TTC39C: variants seen among roughly 807,000 people sequenced by gnomAD.
TTC39C encodes tetratricopeptide repeat protein 39C.
Under a neutral mutation model 76.3 loss-of-function variants are expected in TTC39C, and 33 were observed. The ratio of observed to expected loss-of-function variants is 0.43; its 90% CI spans 0.33 to 0.58. The LOEUF is 0.58. TTC39C is among the 20% of genes least tolerant of loss of function. The pLI, the probability that TTC39C is intolerant of heterozygous loss-of-function variation, is 0.04. For synonymous variants in TTC39C, 254 were observed against 260.6 expected (o/e 0.97, Z 0.24); for missense variants, 595 against 701.4 (o/e 0.85, Z 1.71).
chr18:24,088,014 C>T (rs1236759683), intron 6 of TTC39C, among the ~76,000 whole-genome samples: 1 of 152,096 alleles, frequency 6.6e-6, no homozygotes, highest in African/African-American at 2.4e-5. Context: ...TTTCTTTTTT[C>T]AGAAATGATG....
chr18:24,028,144 G>GA (rs200581541), intron 1 of TTC39C, among the ~76,000 whole-genome samples: 168 of 151,030 alleles, frequency 1.1e-3, no homozygotes, highest in African/African-American at 2.3e-3. Context: ...TAGCATAGGG[G>GA]AAAAAAAAAG....
At chr18:24,095,259 C>A (rs1196211566) in intron 6 of TTC39C, among the ~76,000 whole-genome samples, 1 of 152,238 alleles carries the variant, frequency 6.6e-6, no homozygotes, top group Non-Finnish European at 1.5e-5. Context: ...TAGGATCTTG[C>A]TCTGGATGAG....
At chr18:24,027,434 A>G (rs1486746817) in intron 1 of TTC39C, among the ~76,000 whole-genome samples, 1 of 152,136 alleles carries the variant, frequency 6.6e-6, no homozygotes, top group African/African-American at 2.4e-5. Flanking sequence ...TTGGCAACTG[A>G]TATCTGGAAC....
At chr18:24,062,599 C>T (rs2084114018) in intron 1 of TTC39C, among the ~76,000 whole-genome samples, 1 of 148,700 alleles carries the variant, frequency 6.7e-6, no homozygotes, top group Non-Finnish European at 1.5e-5. Context: ...GGATTCCTCA[C>T]AAGGGAATTG....
chr18:24,034,595 G>T (rs1323860348), intron 1 of TTC39C, among the ~76,000 whole-genome samples: 1 of 151,920 alleles, frequency 6.6e-6, no homozygotes, highest in African/African-American at 2.4e-5. Flanking sequence ...GAACTGTTTT[G>T]TCTTTCCAAA....
chr18:24,091,970 G>A (rs1459071037), intron 6 of TTC39C, among the ~76,000 whole-genome samples: 2 of 151,602 alleles, frequency 1.3e-5, no homozygotes, highest in Non-Finnish European at 1.5e-5. Context: ...GCGGGCGCCT[G>A]TAGTCCCAGC....
chr18:24,099,069 C>CATAT, intron 6 of TTC39C, among the ~76,000 whole-genome samples: 1 of 121,774 alleles, frequency 8.2e-6, no homozygotes, highest in Non-Finnish European at 1.7e-5. Context: ...ATACATATAA[C>CATAT]ATATATACAT....
intron 1 of TTC39C, among the ~76,000 whole-genome samples, chr18:24,017,854 A>T (rs1365941531): frequency 6.6e-6 from 1 of 152,224 alleles, no homozygotes; most frequent in Non-Finnish European, 1.5e-5. Context: ...ACAATTTAAC[A>T]GTAGAAACGT....
intron 1 of TTC39C, among the ~76,000 whole-genome samples, chr18:24,016,278 G>T (rs1216605040): frequency 6.6e-6 from 1 of 152,156 alleles, no homozygotes; most frequent in South Asian, 2.1e-4. Context: ...AAGCATACAG[G>T]TCTGGTTTCA....
At chr18:24,052,138 A>G (rs1407443150) in intron 1 of TTC39C, among the ~76,000 whole-genome samples, 1 of 152,304 alleles carries the variant, frequency 6.6e-6, no homozygotes, top group Non-Finnish European at 1.5e-5. Flanking sequence ...CCTTTTTCAG[A>G]TTTCATCAAA....
At chr18:24,030,753 C>T (rs183332465) in intron 1 of TTC39C, among the ~76,000 whole-genome samples, 10 of 147,238 alleles carry the variant, frequency 6.8e-5, no homozygotes, top group African/African-American at 2.2e-4. Context: ...CAGGTTCAAG[C>T]GATTCTCCAG....
upstream of TTC39C, among the ~76,000 whole-genome samples, chr18:24,011,763 A>G (rs372017580): frequency 7.9e-5 from 12 of 152,188 alleles, no homozygotes; most frequent in African/African-American, 2.9e-4. Context: ...GAAGTGGGTT[A>G]TTTCCACCAC....
intron 6 of TTC39C, among the ~76,000 whole-genome samples, chr18:24,100,671 G>C (rs1055572961): frequency 2.6e-5 from 4 of 152,244 alleles, no homozygotes; most frequent in African/African-American, 4.8e-5. Flanking sequence ...CATTGGACTA[G>C]AAGTCTGTGG....
At chr18:24,071,928 C>T (rs2084245726) in intron 4 of TTC39C, among the ~76,000 whole-genome samples, 1 of 152,188 alleles carries the variant, frequency 6.6e-6, no homozygotes, top group Non-Finnish European at 1.5e-5. Flanking sequence ...AAGTGAAATT[C>T]TCATAGGCAT....
At chr18:24,112,453 A>G (rs1351555610) in intron 6 of TTC39C, among the ~76,000 whole-genome samples, 1 of 152,186 alleles carries the variant, frequency 6.6e-6, no homozygotes, top group African/African-American at 2.4e-5. Flanking sequence ...TCATCCGCAA[A>G]TGGAATTAAT....
intron 1 of TTC39C, among the ~76,000 whole-genome samples, chr18:23,995,993 G>C (rs554360269): frequency 6.6e-6 from 1 of 152,242 alleles, no homozygotes; most frequent in African/African-American, 2.4e-5. Flanking sequence ...ACTGCCAAAC[G>C]TTTTTCCAGA....
intron 4 of TTC39C, among the ~76,000 whole-genome samples, chr18:24,071,804 T>A (rs2084244686): frequency 1.3e-5 from 2 of 152,250 alleles, no homozygotes; most frequent in Admixed American, 1.3e-4. Flanking sequence ...AGCCTTTGCC[T>A]ATTCTTCTAA....
intron 6 of TTC39C, among the ~76,000 whole-genome samples, chr18:24,096,769 G>A (rs1189383596): frequency 1.3e-5 from 2 of 152,014 alleles, no homozygotes; most frequent in Non-Finnish European, 2.9e-5. Flanking sequence ...GTGATAAGGG[G>A]ACTTCAAAAA....
At chr18:24,103,046 G>A (rs2084699034) in intron 6 of TTC39C, among the ~76,000 whole-genome samples, 1 of 152,166 alleles carries the variant, frequency 6.6e-6, no homozygotes, top group South Asian at 2.1e-4. Flanking sequence ...AGGTTGCAGT[G>A]AGCCGTGATC....
Sources: allele counts gnomAD v4.1 joint callset (sites outside exome capture counted in the v4.1 genomes callset), GRCh38; gene constraint gnomAD v4.1.1; transcripts MANE v1.5; gene names NCBI Gene and HGNC (gene_info 2026-07-23, HGNC 2026-07-21).